UTS2: variants seen among roughly 807,000 people sequenced by gnomAD.
The protein encoded by UTS2 is urotensin-2.
Under a neutral mutation model 12.6 loss-of-function variants are expected in UTS2, and 10 were observed. The observed-to-expected ratio is 0.80, with a 90% CI of 0.49 to 1.35. The LOEUF is 1.35. Ranked by LOEUF, UTS2 falls within the 40% of genes most tolerant of loss-of-function variation. UTS2 has a pLI of 0.00. For missense variants in UTS2, 142 were observed against 143.2 expected, an observed-to-expected ratio of 0.99 and a Z score of 0.04; for synonymous variants, 52 against 50.0, an observed-to-expected ratio of 1.04 and a Z score of -0.17.
At chr1:7,906,449 GAGAA>G in the UTS2 span, among the ~76,000 whole-genome samples, 2,339 of 73,218 alleles carry the variant, frequency 0.032, 60 homozygotes, top group Admixed American at 0.11. Flanking sequence ...GAAAGAAAAA[GAGAA>G]AGAAAGAAAG....
chr1:7,887,739 G>C, the UTS2 span, among the ~76,000 whole-genome samples: 1 of 144,978 alleles, frequency 6.9e-6, no homozygotes, highest in Non-Finnish European at 1.5e-5. Context: ...CTGGGCAACA[G>C]AGCAAGACCC....
chr1:7,891,387 G>C, the UTS2 span, among the ~76,000 whole-genome samples: 1 of 151,992 alleles, frequency 6.6e-6, no homozygotes, highest in Non-Finnish European at 1.5e-5. Flanking sequence ...TTAGCCAGGC[G>C]TGGTGGTGGG....
At position 7,852,896 on chromosome 1, in the gene UTS2, C is replaced by G. The variant is rs1172072478; in HGVS notation, c.103+5G>C. On this transcript the variant is annotated splice_donor_5th_base_variant and intron_variant, in intron 1 of 3. Coordinates refer to ENST00000361696, the MANE Select transcript of UTS2 (RefSeq NM_006786.4). ...ACTAACATAAGGGGAAAAAAAAAAT[C>G]TTACCTGAGAGTTGAAAGGATATTT... The G allele has an allele frequency of 6.3e-7, 1 of 1,598,804 alleles. No homozygotes were observed. The highest frequency in any genetic ancestry group is 1.1e-5 in the South Asian group (1 of 87,904).
At chr1:7,904,034 T>C in the UTS2 span, among the ~76,000 whole-genome samples, 3 of 152,170 alleles carry the variant, frequency 2.0e-5, no homozygotes, top group African/African-American at 7.2e-5. Flanking sequence ...ATTTTAGGGT[T>C]TTGTGATTTT....
the UTS2 span, among the ~76,000 whole-genome samples, chr1:7,902,811 G>A: frequency 6.6e-6 from 1 of 152,148 alleles, no homozygotes; most frequent in Admixed American, 6.6e-5. Context: ...GTAAGTCGCT[G>A]AACCTCTTTA....
At chr1:7,896,886 T>G in the UTS2 span, among the ~76,000 whole-genome samples, 1 of 151,964 alleles carries the variant, frequency 6.6e-6, no homozygotes, top group Non-Finnish European at 1.5e-5. Flanking sequence ...TTAGTAGAGA[T>G]GGGGTTTCAC....
chr1:7,896,267 A>T, the UTS2 span, among the ~76,000 whole-genome samples: 1 of 152,270 alleles, frequency 6.6e-6, no homozygotes, highest in African/African-American at 2.4e-5. Flanking sequence ...ATGAAAAAAA[A>T]AAAAAGTGTC....
chr1:7,899,557 A>T, the UTS2 span, among the ~76,000 whole-genome samples: 1 of 152,030 alleles, frequency 6.6e-6, no homozygotes, highest in Non-Finnish European at 1.5e-5. Context: ...CCCAGGCTGG[A>T]GTGCAGTGGC....
chr1:7,880,134 T>C, the UTS2 span, among the ~76,000 whole-genome samples: 4 of 151,990 alleles, frequency 2.6e-5, no homozygotes, highest in African/African-American at 4.8e-5. Context: ...GGCACACACC[T>C]ATAGTCCCAG....
chr1:7,853,276 G>A, upstream of UTS2: 1 of 1,613,494 alleles, frequency 6.2e-7, no homozygotes, highest in Non-Finnish European at 8.5e-7. Flanking sequence ...AGAACAGTGA[G>A]TTTATAAATC....
the UTS2 span, among the ~76,000 whole-genome samples, chr1:7,913,061 G>A: frequency 6.6e-6 from 1 of 150,624 alleles, no homozygotes; most frequent in East Asian, 1.9e-4. Flanking sequence ...CTCCTCAAGA[G>A]CTAATAGTCG....
the UTS2 span, among the ~76,000 whole-genome samples, chr1:7,863,410 C>T: frequency 6.6e-5 from 10 of 152,180 alleles, no homozygotes; most frequent in East Asian, 1.3e-3. Flanking sequence ...CACGCCTGGC[C>T]GACAGCCGTT....
the UTS2 span, among the ~76,000 whole-genome samples, chr1:7,861,796 G>A: frequency 4.3e-4 from 66 of 152,164 alleles, no homozygotes; most frequent in East Asian, 1.4e-3. Context: ...GGTGTGGAGC[G>A]TGAAGAACAT....
chr1:7,891,740 A>G, the UTS2 span, among the ~76,000 whole-genome samples: 1 of 152,186 alleles, frequency 6.6e-6, no homozygotes, highest in South Asian at 2.1e-4. Flanking sequence ...ATAAACATGT[A>G]CAATTTTTGT....
chr1:7,898,866 C>A, the UTS2 span, among the ~76,000 whole-genome samples: 5 of 152,070 alleles, frequency 3.3e-5, no homozygotes, highest in African/African-American at 1.2e-4. Flanking sequence ...TGGACAAAAC[C>A]TATACAGTTG....
the UTS2 span, among the ~76,000 whole-genome samples, chr1:7,884,474 G>GC: frequency 6.6e-6 from 1 of 151,632 alleles, no homozygotes; most frequent in East Asian, 1.9e-4. Flanking sequence ...GCTAATTTTT[G>GC]CATTTTTTTT....
At chr1:7,877,463 T>C in the UTS2 span, among the ~76,000 whole-genome samples, 1 of 152,064 alleles carries the variant, frequency 6.6e-6, no homozygotes, top group African/African-American at 2.4e-5. Flanking sequence ...TAAAATAAAA[T>C]AATACAACTT....
chr1:7,853,636 C>T, upstream of UTS2: 1 of 537,772 alleles, frequency 1.9e-6, no homozygotes, highest in East Asian at 3.4e-5. Flanking sequence ...GCAAGCACTT[C>T]AATCTTCAGA....
the UTS2 span, among the ~76,000 whole-genome samples, chr1:7,906,717 G>A: frequency 6.6e-6 from 1 of 152,142 alleles, no homozygotes; most frequent in Admixed American, 6.6e-5. Flanking sequence ...CACCAACAGT[G>A]AGAACACCAA....
Sources: gnomAD v4.1 joint callset for allele counts (sites outside exome capture counted in the v4.1 genomes callset) on GRCh38, gnomAD v4.1.1 for gene constraint, MANE v1.5 for transcripts, NCBI Gene and HGNC (gene_info 2026-07-23, HGNC 2026-07-21) for gene names.